Variants in RRAS2 observed in about 807,000 individuals in gnomAD.
The protein encoded by RRAS2 is RAS related 2, also known as ras-related protein R-Ras2.
A neutral mutation model predicts 27.6 loss-of-function variants in RRAS2; 7 were observed. The ratio of observed to expected loss-of-function variants is 0.25; its 90% CI spans 0.14 to 0.48. The LOEUF (loss-of-function observed/expected upper bound fraction) is 0.48. RRAS2 is among the 20% of genes least tolerant of loss of function. The probability of loss-of-function intolerance (pLI) is 0.99; values close to 1 mark genes in which losing one functional copy is unlikely to be tolerated. For synonymous variants in RRAS2, 86 were observed against 90.9 expected (o/e 0.95, Z 0.31); for missense variants, 178 against 256.2 (o/e 0.69, Z 2.08).
At chr11:14,295,682 T>C in intron 2 of RRAS2, 86 bp downstream of exon 2, 1 of 1,026,286 alleles carries the variant, frequency 9.7e-7, no homozygotes, top group Non-Finnish European at 1.4e-6. Context: ...ATATTTCAAA[T>C]ATATTATTTA....
chr11:14,329,117 A>ATT (rs1355005503), intron 1 of RRAS2, among the ~76,000 whole-genome samples: 1 of 150,278 alleles, frequency 6.7e-6, no homozygotes, highest in Non-Finnish European at 1.5e-5. Flanking sequence ...ATATATATAT[A>ATT]TATTTTTTTT....
chr11:14,286,529 T>C (rs1002653577), intron 4 of RRAS2, among the ~76,000 whole-genome samples: 33 of 152,236 alleles, frequency 2.2e-4, no homozygotes, highest in African/African-American at 8.0e-4. Flanking sequence ...AGAATATGAA[T>C]TATTCCTAGC....
intron 1 of RRAS2, among the ~76,000 whole-genome samples, chr11:14,331,924 T>C (rs181079850): frequency 1.2e-3 from 182 of 152,130 alleles, no homozygotes; most frequent in African/African-American, 4.0e-3. Flanking sequence ...CAATGGCCAA[T>C]AGGCACATAA....
chr11:14,285,803 C>A (rs1478094534), intron 4 of RRAS2, among the ~76,000 whole-genome samples: 2 of 152,168 alleles, frequency 1.3e-5, no homozygotes, highest in African/African-American at 4.8e-5. Context: ...ATGACTCCTG[C>A]CATCCTTATC....
intron 1 of RRAS2, among the ~76,000 whole-genome samples, chr11:14,344,468 G>T (rs1349222270): frequency 1.3e-5 from 2 of 152,094 alleles, no homozygotes; most frequent in African/African-American, 2.4e-5. Flanking sequence ...AGGCAAAAAG[G>T]ACAAAATTAC....
intron 1 of RRAS2, among the ~76,000 whole-genome samples, chr11:14,313,130 G>A (rs1848014475): frequency 6.6e-6 from 1 of 152,172 alleles, no homozygotes; most frequent in Non-Finnish European, 1.5e-5. Context: ...CATATCAAAA[G>A]GAACTATAAA....
intron 1 of RRAS2, among the ~76,000 whole-genome samples, chr11:14,310,412 T>C (rs1847933720): frequency 6.6e-6 from 1 of 151,968 alleles, no homozygotes; most frequent in Non-Finnish European, 1.5e-5. Context: ...TACTTCACTG[T>C]TGGGAGGTCA....
At chr11:14,284,338 CCTCT>C (rs1238970442) in intron 4 of RRAS2, among the ~76,000 whole-genome samples, 11 of 152,222 alleles carry the variant, frequency 7.2e-5, no homozygotes, top group Non-Finnish European at 1.5e-4. Context: ...ATCCTAGATA[CCTCT>C]CTGTTATTAA....
intron 1 of RRAS2, among the ~76,000 whole-genome samples, chr11:14,329,100 C>T (rs907791885): frequency 4.6e-4 from 67 of 144,588 alleles, no homozygotes; most frequent in African/African-American, 1.6e-3. Context: ...CACACACACG[C>T]ATATACATAT....
chr11:14,305,113 A>T (rs782152842), intron 1 of RRAS2, among the ~76,000 whole-genome samples: 2 of 152,172 alleles, frequency 1.3e-5, no homozygotes, highest in Non-Finnish European at 2.9e-5. Flanking sequence ...GTTGTCTCAG[A>T]CTGCCTAAAG....
At chr11:14,355,098 G>A (rs1270213977) in intron 1 of RRAS2, among the ~76,000 whole-genome samples, 1 of 151,734 alleles carries the variant, frequency 6.6e-6, no homozygotes, top group Non-Finnish European at 1.5e-5. Context: ...TTCTCAAATG[G>A]TGAAACTTGG....
At chr11:14,287,975 T>A (rs1488713507) in intron 4 of RRAS2, among the ~76,000 whole-genome samples, 1 of 152,116 alleles carries the variant, frequency 6.6e-6, no homozygotes, top group East Asian at 1.9e-4. Context: ...CTTCACTTGT[T>A]TTTGTTTTGT....
At chr11:14,332,257 T>C (rs1229420272) in intron 1 of RRAS2, among the ~76,000 whole-genome samples, 1 of 152,204 alleles carries the variant, frequency 6.6e-6, no homozygotes, top group African/African-American at 2.4e-5. Flanking sequence ...TAATGAACAT[T>C]GGAAACAACC....
chr11:14,315,928 C>T (rs1334228101), intron 1 of RRAS2, among the ~76,000 whole-genome samples: 1 of 152,152 alleles, frequency 6.6e-6, no homozygotes, highest in Non-Finnish European at 1.5e-5. Context: ...ACCAGATCAA[C>T]TCCACCTTTT....
chr11:14,292,938 T>C (rs1021598986), intron 4 of RRAS2, among the ~76,000 whole-genome samples: 6 of 151,158 alleles, frequency 4.0e-5, no homozygotes, highest in African/African-American at 1.5e-4. Context: ...AAACCCCGTA[T>C]CTACTAAAAA....
chr11:14,341,238 T>C (rs1554953215), intron 1 of RRAS2, among the ~76,000 whole-genome samples: 1 of 152,168 alleles, frequency 6.6e-6, no homozygotes, highest in Non-Finnish European at 1.5e-5. Flanking sequence ...AGAGCACAGG[T>C]CTAGTATGAT....
intron 1 of RRAS2, among the ~76,000 whole-genome samples, chr11:14,318,849 C>T (rs1848166830): frequency 6.6e-6 from 1 of 152,224 alleles, no homozygotes; most frequent in South Asian, 2.1e-4. Context: ...ACTTCAAATT[C>T]CTTCAGGGAA....
At chr11:14,332,160 A>T (rs1554952000) in intron 1 of RRAS2, among the ~76,000 whole-genome samples, 1 of 152,188 alleles carries the variant, frequency 6.6e-6, no homozygotes, top group Non-Finnish European at 1.5e-5. Context: ...CCCAATAATC[A>T]CAACTTGGTA....
intron 1 of RRAS2, chr11:14,342,123 C>T (rs1031634289): frequency 8.8e-6 from 2 of 228,520 alleles, no homozygotes; most frequent in African/African-American, 4.6e-5. Flanking sequence ...CCCTCTCCTC[C>T]TACCCCACTG....
Sources: gnomAD v4.1 joint callset for allele counts (sites outside exome capture counted in the v4.1 genomes callset) on GRCh38, gnomAD v4.1.1 for gene constraint, MANE v1.5 for transcripts, NCBI Gene and HGNC (gene_info 2026-07-23, HGNC 2026-07-21) for gene names.